EPB41: variants seen among roughly 807,000 people sequenced by gnomAD.
EPB41 encodes erythrocyte membrane protein band 4.1.
In EPB41, 65 loss-of-function variants were observed where a neutral mutation model predicts 108.0. That is an observed-to-expected ratio of 0.60 (90% CI 0.49 to 0.74). The LOEUF is 0.74. Among genes scored for constraint, EPB41 ranks in the 30% least tolerant of loss-of-function variants. The pLI, the probability that EPB41 is intolerant of heterozygous loss-of-function variation, is 0.00. For missense variants in EPB41, 875 were observed against 1,037.0 expected (o/e 0.84, Z 2.15); for synonymous variants, 336 against 358.9 (o/e 0.94, Z 0.72).
chr1:28,979,914 G>A (rs781730377), intron 1 of EPB41, among the ~76,000 whole-genome samples: 1 of 152,194 alleles, frequency 6.6e-6, no homozygotes, highest in Admixed American at 6.5e-5. Context: ...TTTGGAATGA[G>A]GTGCAATCAA....
intron 1 of EPB41, among the ~76,000 whole-genome samples, chr1:28,982,788 A>G (rs972038827): frequency 3.9e-5 from 6 of 152,152 alleles, no homozygotes; most frequent in African/African-American, 1.4e-4. Context: ...AGTATACCCA[A>G]GTGTTTATGC....
At chr1:28,959,055 A>G (rs1553192004) in intron 1 of EPB41, among the ~76,000 whole-genome samples, 1 of 151,802 alleles carries the variant, frequency 6.6e-6, no homozygotes, top group Non-Finnish European at 1.5e-5. Flanking sequence ...AGGCAGATGC[A>G]GGGAAGTGCA....
chr1:29,073,929 T>G (rs1056848511), intron 16 of EPB41, among the ~76,000 whole-genome samples: 3 of 152,198 alleles, frequency 2.0e-5, no homozygotes, highest in African/African-American at 7.2e-5. Flanking sequence ...GAAACTTCTT[T>G]GGATATAATA....
At chr1:29,051,729 T>C (rs1644546830) in intron 11 of EPB41, among the ~76,000 whole-genome samples, 1 of 152,020 alleles carries the variant, frequency 6.6e-6, no homozygotes, top group African/African-American at 2.4e-5. Flanking sequence ...AAACCCCATC[T>C]CTACTAAAGA....
At chr1:28,905,359 T>TG (rs1312291306) in intron 1 of EPB41, among the ~76,000 whole-genome samples, 3 of 151,490 alleles carry the variant, frequency 2.0e-5, no homozygotes, top group African/African-American at 7.3e-5. Flanking sequence ...CAGCCGGGCC[T>TG]GGTGGTACGT....
intron 9 of EPB41, 40 bp downstream of exon 9, chr1:29,033,285 G>C (rs781593988): frequency 2.5e-6 from 4 of 1,605,166 alleles, no homozygotes; most frequent in Non-Finnish European, 3.4e-6. Flanking sequence ...ACCAGACACA[G>C]TCTGTATCTG....
chr1:28,965,666 G>C (rs1198918774), intron 1 of EPB41, among the ~76,000 whole-genome samples: 1 of 152,086 alleles, frequency 6.6e-6, no homozygotes, highest in Non-Finnish European at 1.5e-5. Flanking sequence ...TCTGGACTCA[G>C]ATTCCTGGGA....
At chr1:29,053,073 C>A (rs1644800380) in intron 11 of EPB41, 31 bp from the exon 12 acceptor site, 1 of 1,611,072 alleles carries the variant, frequency 6.2e-7, no homozygotes, top group African/African-American at 1.3e-5. Flanking sequence ...CTGGCCTTTA[C>A]TTATGCTTCC....
Position 29,047,840 on chromosome 1 carries a change from A to ATGCAG in EPB41, c.1637-5262_1637-5261insCAGTG, listed in dbSNP as rs1280458501. ...TTTCACTCTTGCTGCCCAGGCTGGA[A>ATGCAG]TGGCGTGATCTCGGCTCACTGCAAC... On this transcript the variant is annotated intron_variant, in intron 11 of 20. Coordinates refer to ENST00000343067, the MANE Select transcript of EPB41 (RefSeq NM_001376013.1). Among the ~76,000 whole-genome samples, 3 of 151,104 alleles carry ATGCAG rather than the reference A, an allele frequency of 2.0e-5. No individual in the cohort carries two copies. In the East Asian group the frequency reaches 5.8e-4, roughly 29 times the overall value.
chr1:29,069,223 T>C (rs1650036389), intron 16 of EPB41: 3 of 1,231,578 alleles, frequency 2.4e-6, no homozygotes, highest in Non-Finnish European at 3.0e-6. Flanking sequence ...AGAACCAGTG[T>C]TGAACTTCCA....
At chr1:28,926,780 C>T (rs2093471065) in intron 1 of EPB41, among the ~76,000 whole-genome samples, 1 of 152,182 alleles carries the variant, frequency 6.6e-6, no homozygotes, top group South Asian at 2.1e-4. Flanking sequence ...AATAATCTTG[C>T]AATGAGAATA....
chr1:29,013,985 AT>A (rs750161123), intron 5 of EPB41, among the ~76,000 whole-genome samples: 1 of 151,750 alleles, frequency 6.6e-6, no homozygotes, highest in African/African-American at 2.4e-5. Flanking sequence ...AATCTGCAAT[AT>A]TTTTTTCTAG....
intron 16 of EPB41, chr1:29,065,602 C>G (rs915856579): frequency 5.2e-5 from 8 of 153,142 alleles, no homozygotes; most frequent in African/African-American, 1.7e-4. Flanking sequence ...ACTGGTTCCC[C>G]ACAATTATAT....
rs555131612 is a variant in EPB41 at position 29,115,205 on chromosome 1, C to T, written c.2497-494C>T. Among the ~76,000 whole-genome samples the T allele has an allele frequency of 6.6e-6, 1 of 152,196 alleles. No homozygotes were observed. The highest frequency in any genetic ancestry group is 2.1e-4 in the South Asian group (1 of 4,818). ...GTCAGGAGTTCGAGACCAGTCTGGC[C>T]AACATGGTGAAACCCCATCTCTACA... On this transcript the variant is annotated intron_variant, in intron 19 of 20. Transcript: ENST00000343067. The surrounding 1 kb of genome is among the most constrained non-coding windows in gnomAD (Gnocchi z 4.4).
Position 29,061,572 on chromosome 1 carries a change from G to GTTTTTTTTTTTTTTT in EPB41, c.2007+1100_2007+1114dup, listed in dbSNP as rs34413393. 8.3e-4 allele frequency among the ~76,000 whole-genome samples: 53 copies of GTTTTTTTTTTTTTTT among 64,048 alleles called. 14 individuals are homozygous for GTTTTTTTTTTTTTTT. In the East Asian group the frequency reaches 9.6e-3, roughly 12 times the overall value. 42.0% of individuals were successfully genotyped at this position (64,048 alleles called of 152,430 possible). ...GCGTGAGCCACTGCGCCTGGCCTTT[G>GTTTTTTTTTTTTTTT]TTTTTTTTTTTTTTTTTTTTTTTTT... On this transcript the variant is annotated intron_variant, in intron 15 of 20. Transcript: ENST00000343067.
chr1:28,971,329 G>A (rs1372586847), intron 1 of EPB41, among the ~76,000 whole-genome samples: 4 of 151,444 alleles, frequency 2.6e-5, no homozygotes, highest in Non-Finnish European at 4.4e-5. Context: ...GATTACAAGC[G>A]CCTGCCACCA....
At chr1:29,037,587 T>C (rs1025759624) in intron 10 of EPB41, among the ~76,000 whole-genome samples, 1 of 96,608 alleles carries the variant, frequency 1.0e-5, no homozygotes, top group Non-Finnish European at 2.0e-5. Flanking sequence ...TCAGTTTGCC[T>C]TTTTTTTTTT....
At chr1:28,909,802 T>C (rs192005416), upstream of EPB41, among the ~76,000 whole-genome samples, 3 of 144,584 alleles carry the variant, frequency 2.1e-5, no homozygotes, top group South Asian at 2.2e-4. Flanking sequence ...GTCTCAAAAA[T>C]AGATAAATAC....
intron 16 of EPB41, among the ~76,000 whole-genome samples, chr1:29,078,053 C>G (rs1654821855): frequency 6.6e-6 from 1 of 151,898 alleles, no homozygotes; most frequent in Non-Finnish European, 1.5e-5. Context: ...ATGGTGAAAC[C>G]CTGTCTCTAC....
Sources: allele counts gnomAD v4.1 joint callset (sites outside exome capture counted in the v4.1 genomes callset), GRCh38; gene constraint gnomAD v4.1.1; non-coding constraint Gnocchi (gnomAD v3.1); transcripts MANE v1.5; gene names NCBI Gene and HGNC (gene_info 2026-07-23, HGNC 2026-07-21).